DPYD: variants seen among roughly 807,000 people sequenced by gnomAD.
DPYD encodes the protein dihydropyrimidine dehydrogenase [NADP(+)].
In DPYD, 109 loss-of-function variants were observed where a neutral mutation model predicts 116.2. That is an observed-to-expected ratio of 0.94 (90% confidence interval 0.80 to 1.10). The LOEUF (loss-of-function observed/expected upper bound fraction) is 1.10. DPYD is among the 50% of genes least tolerant of loss of function. DPYD has a pLI of 0.00. For missense variants in DPYD, 1,302 were observed against 1,254.5 expected (o/e 1.04, Z -0.57); for synonymous variants, 440 against 432.0 (o/e 1.02, Z -0.23).
intron 18 of DPYD, among the ~76,000 whole-genome samples, chr1:97,239,883 A>C (rs1303360728): frequency 6.6e-6 from 1 of 152,078 alleles, no homozygotes; most frequent in Non-Finnish European, 1.5e-5. Context: ...AAATTACATA[A>C]TATATATAAA....
chr1:97,656,966 AT>A (rs71590230), intron 8 of DPYD, among the ~76,000 whole-genome samples: 9,061 of 116,496 alleles, frequency 0.078, 469 homozygotes, highest in African/African-American at 0.2. Context: ...GCATGATTGT[AT>A]TTTTTTTTTT....
At position 97,914,659 on chromosome 1, in the gene DPYD, G is replaced by C. The variant is rs367705921; in HGVS notation, c.39+6225C>G. Among the ~76,000 whole-genome samples the C allele has an allele frequency of 3.3e-4, 50 of 152,170 alleles. 1 individual carries two copies. The highest frequency in any genetic ancestry group is 1.2e-3 in the African/African-American group (49 of 41,520). On this transcript the variant is annotated intron_variant, in intron 1 of 22. Transcript: ENST00000370192. ...ATAGTCATGTATAAACAAAACCTAG[G>C]CCATATACTTCCTTTGTACCATCTG...
At chr1:97,492,518 C>T (rs188672163) in intron 13 of DPYD, among the ~76,000 whole-genome samples, 43 of 152,256 alleles carry the variant, frequency 2.8e-4, no homozygotes, top group East Asian at 2.7e-3. Flanking sequence ...AGTAAACTAG[C>T]TATCAATTGG....
rs1475755819 is a variant in DPYD, at chr1:97,305,297, A to G, written c.2261T>C (p.Val754Ala). 4 of 1,612,420 alleles carry G rather than the reference A, an allele frequency of 2.5e-6. No individual in the cohort carries two copies. The Admixed American group carries it at 5.0e-5, about 20-fold the overall frequency. Residue 754 changes from valine to alanine, a missense_variant, in exon 18 of 23, where the codon GTG becomes GCG. Physicochemically the swap from Val to Ala is moderately conservative, Grantham distance 64 (BLOSUM62 0). Coordinates refer to ENST00000370192, the MANE Select transcript of DPYD (RefSeq NM_000110.4). ...LKSDGTPWPAVGIAKRTTYGG... is the reference protein window; with the variant it reads ...LKSDGTPWPAAGIAKRTTYGG... ...ATATGTAGTTCGCTTTGCAATCCCC[A>G]CTGCTGGCCAAGGTGTGCCATCAGA...
At chr1:97,513,831 T>A (rs890691358) in intron 13 of DPYD, among the ~76,000 whole-genome samples, 3 of 151,624 alleles carry the variant, frequency 2.0e-5, no homozygotes, top group Admixed American at 2.0e-4. Flanking sequence ...AGGAACCAGA[T>A]AAGGAAACAA....
chr1:97,824,525 G>A (rs181617746), intron 3 of DPYD, among the ~76,000 whole-genome samples: 36 of 152,160 alleles, frequency 2.4e-4, no homozygotes, highest in African/African-American at 8.0e-4. Context: ...TACACTCATC[G>A]CATTTCAGGT....
chr1:97,184,092 C>T lies in DPYD; in HGVS notation c.2622+8977G>A, dbSNP rs150322608. Among the ~76,000 whole-genome samples, 16 of 152,128 alleles carry T rather than the reference C, an allele frequency of 1.1e-4. No homozygotes were observed. In the East Asian group the frequency reaches 2.9e-3, roughly 28 times the overall value. ...TCCATCCATGTTTCCATAAAAGACA[C>T]ATCTCGTTCCTTTTTATGGTTGCAT... On this transcript the variant is annotated intron_variant, in intron 20 of 22. Coordinates refer to ENST00000370192, the MANE Select transcript of DPYD (RefSeq NM_000110.4).
intron 13 of DPYD, among the ~76,000 whole-genome samples, chr1:97,501,421 G>A (rs551213172): frequency 6.6e-6 from 1 of 152,070 alleles, no homozygotes; most frequent in Admixed American, 6.6e-5. Flanking sequence ...AATTAATGTG[G>A]CCTGGTGCAG....
intron 5 of DPYD, among the ~76,000 whole-genome samples, chr1:97,710,114 A>C (rs528341764): frequency 1.3e-5 from 2 of 151,964 alleles, no homozygotes; most frequent in Admixed American, 1.3e-4. Context: ...TTATTTCATC[A>C]GTGTAGGTCT....
chr1:97,565,599 T>A (rs191579233), intron 11 of DPYD, among the ~76,000 whole-genome samples: 11 of 152,318 alleles, frequency 7.2e-5, no homozygotes, highest in Non-Finnish European at 1.5e-4. Flanking sequence ...TTGTATATGA[T>A]GTTCTCTGTA....
intron 3 of DPYD, among the ~76,000 whole-genome samples, chr1:97,745,355 A>T (rs1664492823): frequency 6.6e-6 from 1 of 152,124 alleles, no homozygotes; most frequent in Admixed American, 6.6e-5. Context: ...AATGCCAAAC[A>T]TAATTTTAAA....
chr1:97,621,724 G>T (rs571662873), intron 8 of DPYD, among the ~76,000 whole-genome samples: 1 of 151,882 alleles, frequency 6.6e-6, no homozygotes, highest in Non-Finnish European at 1.5e-5. Flanking sequence ...GGCCCCCTTG[G>T]AGAAACACCT....
At chr1:97,691,500 G>C in intron 7 of DPYD, 1 of 495,766 alleles carries the variant, frequency 2.0e-6, no homozygotes. Flanking sequence ...ATGCAGGCAT[G>C]CCAGATGAGA....
rs989723240 is a variant in DPYD, at chr1:97,737,427, CT to C, written c.321+2964del. Among the ~76,000 whole-genome samples, 112 of 152,136 alleles carry C rather than the reference CT, an allele frequency of 7.4e-4. 1 individual carries two copies. Among genetic ancestry groups the C allele is most frequent in the Admixed American group, 5.0e-3 (77 of 15,270 alleles). Reference sequence around the variant, plus strand: ...TTTCCAACATTTTTTCTTCCACTTACTTCTTTAATATAATAGTGGGAGAAAC... The same window carrying C: ...TTTCCAACATTTTTTCTTCCACTTACTCTTTAATATAATAGTGGGAGAAAC... On this transcript the variant is annotated intron_variant, in intron 4 of 22. Coordinates refer to ENST00000370192, the MANE Select transcript of DPYD (RefSeq NM_000110.4).
intron 10 of DPYD, among the ~76,000 whole-genome samples, chr1:97,583,206 T>G (rs1653820105): frequency 6.6e-6 from 1 of 152,174 alleles, no homozygotes; most frequent in South Asian, 2.1e-4. Context: ...CCTGACCTCG[T>G]GATCCACCCG....
At chr1:97,460,737 C>A (rs944691390) in intron 13 of DPYD, among the ~76,000 whole-genome samples, 3 of 152,126 alleles carry the variant, frequency 2.0e-5, no homozygotes, top group African/African-American at 7.2e-5. Context: ...AAGATTAACT[C>A]CTTGCAAAAG....
At chr1:97,620,846 C>A (rs527431302) in intron 8 of DPYD, among the ~76,000 whole-genome samples, 1 of 152,098 alleles carries the variant, frequency 6.6e-6, no homozygotes, top group East Asian at 1.9e-4. Context: ...TTTAAAAAAT[C>A]AGCTTCCTAC....
rs898826386 is a variant in DPYD, at chr1:97,474,876, CT to C, written c.1741-24654del. ...TTCAGACATAAACTCCTATCATTGA[CT>C]TTTGGAATTATGAAAAAATAATTCC... On this transcript the variant is annotated intron_variant, in intron 13 of 22. Transcript: ENST00000370192. 4.0e-5 allele frequency among the ~76,000 whole-genome samples: 6 copies of C among 151,844 alleles called. No homozygotes were observed. The South Asian group carries it at 1.2e-3, about 32-fold the overall frequency.
At chr1:97,610,340 A>T (rs2100746028) in intron 8 of DPYD, among the ~76,000 whole-genome samples, 1 of 152,134 alleles carries the variant, frequency 6.6e-6, no homozygotes, top group Non-Finnish European at 1.5e-5. Context: ...CGTTAACCAC[A>T]TTGAGCTGTG....
Sources: gnomAD v4.1 joint callset for allele counts (sites outside exome capture counted in the v4.1 genomes callset) on GRCh38, gnomAD v4.1.1 for gene constraint, MANE v1.5 for transcripts, NCBI Gene and HGNC (gene_info 2026-07-23, HGNC 2026-07-21) for gene names.